Variants in UBE3B observed in about 807,000 individuals in gnomAD.
The protein encoded by UBE3B is ubiquitin-protein ligase E3B.
A neutral mutation model predicts 132.3 loss-of-function variants in UBE3B; 80 were observed. The ratio of observed to expected loss-of-function variants is 0.60; its 90% CI spans 0.50 to 0.73. The LOEUF is 0.73. UBE3B is among the 30% of genes least tolerant of loss of function. UBE3B has a pLI of 0.00. For synonymous variants in UBE3B, 487 were observed against 520.4 expected, an observed-to-expected ratio of 0.94 and a Z score of 0.87; for missense variants, 1,196 against 1,362.5, an observed-to-expected ratio of 0.88 and a Z score of 1.92.
Position 109,534,597 on chromosome 12 carries a change from G to A in UBE3B, c.3022G>A (p.Gly1008Arg), listed in dbSNP as rs778155158. The A allele has an allele frequency of 6.2e-6, 10 of 1,608,588 alleles. No individual in the cohort carries two copies. Among genetic ancestry groups the A allele is most frequent in the Non-Finnish European group, 6.8e-6 (8 of 1,177,326 alleles). ...CVEVSDDQDT[G>R]DTLGSVLRGF... is the part of the protein sequence containing the mutation. ...CCACGATGTGTGCCTTCAGGACACC[G>A]GGGACACTCTGGGCAGCGTCCTCCG... The change falls in exon 28 of 28, where the codon GGG becomes AGG. Residue 1008 changes from glycine to arginine, a missense_variant. Gly to Arg is a moderately radical substitution (Grantham distance 125). Transcript: ENST00000342494. This position sits in a 1 kb window ranked among gnomAD's most constrained non-coding sequence, Gnocchi z 5.2.
intron 9 of UBE3B, among the ~76,000 whole-genome samples, chr12:109,494,723 G>A (rs1018609827): frequency 7.9e-5 from 12 of 152,200 alleles, no homozygotes; most frequent in Admixed American, 1.3e-4. Context: ...AGGAGTGTTT[G>A]CAGTGTGTGT....
chr12:109,501,549 C>T lies in UBE3B; in HGVS notation c.1282+15C>T, dbSNP rs1427553475. The T allele has an allele frequency of 1.9e-6, 3 of 1,610,976 alleles. No individual in the cohort carries two copies. The highest frequency in any genetic ancestry group is 1.3e-5 in the African/African-American group (1 of 74,828). ...CCCAGTGAAGAGTGAGTGACGGGAG[C>T]AGGCCCAACCCTGTAGCTCCACTTG... On this transcript the variant is annotated intron_variant, in intron 13 of 27. Coordinates refer to ENST00000342494, the MANE Select transcript of UBE3B (RefSeq NM_130466.4).
chr12:109,504,907 G>A (rs780034708), intron 14 of UBE3B, among the ~76,000 whole-genome samples: 5 of 151,586 alleles, frequency 3.3e-5, no homozygotes, highest in African/African-American at 7.3e-5. Flanking sequence ...CCAGGTTCAC[G>A]CCATTCTCCT....
At chr12:109,498,554 G>A (rs1444598611) in intron 11 of UBE3B, among the ~76,000 whole-genome samples, 1 of 152,194 alleles carries the variant, frequency 6.6e-6, no homozygotes, top group Non-Finnish European at 1.5e-5. Flanking sequence ...TGGCAAACTA[G>A]TTAAGTGACT....
At chr12:109,496,906 T>A (rs1271715038) in intron 9 of UBE3B, among the ~76,000 whole-genome samples, 1 of 152,190 alleles carries the variant, frequency 6.6e-6, no homozygotes, top group East Asian at 1.9e-4. Context: ...CTTACCTGTT[T>A]TTTTCTTTTG....
chr12:109,501,616 CTG>C lies in UBE3B; in HGVS notation c.1282+86_1282+87del, dbSNP rs1055933100. ...TGTTTCTTCCTATATGGATGTTCCGCTGTGTTTGTGGGATGCTCTAACTTTGT... is the reference window on the plus strand; with the variant it reads ...TGTTTCTTCCTATATGGATGTTCCGCTGTTTGTGGGATGCTCTAACTTTGT... On this transcript the variant is annotated intron_variant, in intron 13 of 27. Coordinates refer to ENST00000342494, the MANE Select transcript of UBE3B (RefSeq NM_130466.4). 15 of 1,496,980 alleles carry C rather than the reference CTG, an allele frequency of 1.0e-5. No individual in the cohort carries two copies. The Admixed American group carries it at 1.8e-4, about 18-fold the overall frequency. The allele number at this position is 1,496,980 out of a possible 1,614,324, so 92.7% of individuals were successfully genotyped here. A position where few individuals can be genotyped will look rare whatever the true frequency, so the allele number is the denominator to read the frequency against.
chr12:109,504,936 G>T (rs535763165), intron 14 of UBE3B, among the ~76,000 whole-genome samples: 1 of 151,942 alleles, frequency 6.6e-6, no homozygotes, highest in Non-Finnish European at 1.5e-5. Context: ...CTCCCGAGTA[G>T]CTGGGATTAC....
intron 18 of UBE3B, among the ~76,000 whole-genome samples, 179 bp from the exon 19 acceptor site, chr12:109,516,586 C>G (rs180670925): frequency 6.6e-6 from 1 of 152,152 alleles, no homozygotes; most frequent in Non-Finnish European, 1.5e-5. Context: ...CTAATTCCCA[C>G]AAGTGTTCCA....
At chr12:109,503,396 T>A (rs1879244462) in intron 14 of UBE3B, among the ~76,000 whole-genome samples, 1 of 152,176 alleles carries the variant, frequency 6.6e-6, no homozygotes, top group African/African-American at 2.4e-5. Flanking sequence ...ATCTCATTCC[T>A]GTTTTGTGAC....
Position 109,534,064 on chromosome 12 carries a change from A to G in UBE3B, c.3015+506A>G. On this transcript the variant is annotated intron_variant, in intron 27 of 27. Coordinates refer to ENST00000342494, the MANE Select transcript of UBE3B (RefSeq NM_130466.4). This position sits in a 1 kb window ranked among gnomAD's most constrained non-coding sequence, Gnocchi z 5.2. Reference sequence around the variant, plus strand: ...CTGGCCCACTGTGGGTGCTCAAATGAGAGTCCTACTCCCCATAAAAACCCA... The same window carrying G: ...CTGGCCCACTGTGGGTGCTCAAATGGGAGTCCTACTCCCCATAAAAACCCA... 1.5e-6 allele frequency: 2 copies of G among 1,294,642 alleles called. No individual in the cohort carries two copies. The highest frequency in any genetic ancestry group is 2.0e-6 in the Non-Finnish European group (2 of 992,798). 80.2% of individuals were successfully genotyped at this position (1,294,642 alleles called of 1,614,324 possible). A position where few individuals can be genotyped will look rare whatever the true frequency, so the allele number is the denominator to read the frequency against.
rs1343620642 is a variant in UBE3B at position 109,522,985 on chromosome 12, T to TG, written c.2365-991dup. Among the ~76,000 whole-genome samples, 1 of 152,248 alleles carries TG rather than the reference T, an allele frequency of 6.6e-6. No homozygotes were observed. The highest frequency in any genetic ancestry group is 1.9e-4 in the East Asian group (1 of 5,200). On this transcript the variant is annotated intron_variant, in intron 21 of 27. Coordinates refer to ENST00000342494, the MANE Select transcript of UBE3B (RefSeq NM_130466.4). The surrounding 1 kb of genome is among the most constrained non-coding windows in gnomAD (Gnocchi z 4.2). ...AAGAGCCTGGGCCACCTGGAAAGCA[T>TG]GGCCTCCTGGCTTCTCTGAATGTCA... is the stretch of plus-strand genomic sequence containing the variant.
At chr12:109,524,251 G>A (rs1359010379) in intron 22 of UBE3B, 136 bp downstream of exon 22, 2 of 1,397,850 alleles carry the variant, frequency 1.4e-6, no homozygotes, top group African/African-American at 2.8e-5. Context: ...TCCCCCTGTG[G>A]GCAGTCCCAC....
chr12:109,506,181 A>G (rs1386174728), intron 14 of UBE3B, among the ~76,000 whole-genome samples: 4 of 152,138 alleles, frequency 2.6e-5, no homozygotes, highest in Non-Finnish European at 5.9e-5. Context: ...TTTTAACATA[A>G]TAGAATAATA....
chr12:109,484,003 T>C (rs569124778), intron 4 of UBE3B, 22 bp downstream of exon 4: 1 of 1,590,956 alleles, frequency 6.3e-7, no homozygotes, highest in Non-Finnish European at 8.6e-7. Context: ...ATAGCAAACA[T>C]GTATAATACT....
In UBE3B at chr12:109,521,350, C is replaced by G; in HGVS notation, c.2253+26C>G. 1 of 1,606,602 alleles carries G rather than the reference C, an allele frequency of 6.2e-7. No homozygotes were observed. Among genetic ancestry groups the G allele is most frequent in the Non-Finnish European group, 8.5e-7 (1 of 1,173,534 alleles). ...GTATTTAAGGGGAGCAACAGCAGGG[C>G]TGACAGCAGCCAGATTCAAGAAGTG... On this transcript the variant is annotated intron_variant, in intron 20 of 27. Transcript: ENST00000342494. The surrounding 1 kb of genome is among the most constrained non-coding windows in gnomAD (Gnocchi z 4.2).
rs1440084907 is a variant in UBE3B, at chr12:109,530,666, A to G, written c.2922+8A>G. The stretch of plus-strand genomic sequence containing the variant: ...AGAGCTATGTTTCTGAAGGTATTTT[A>G]TTTATTACCTATGCATGCATGCATG... On this transcript the variant is annotated splice_region_variant and intron_variant, in intron 26 of 27. Transcript: ENST00000342494. 3.1e-6 allele frequency: 5 copies of G among 1,612,472 alleles called. No individual in the cohort carries two copies. The African/African-American group carries it at 5.3e-5, about 17-fold the overall frequency.
chr12:109,499,790 C>T lies in UBE3B; in HGVS notation c.1098C>T (p.Phe366=). 4 of 1,608,786 alleles carry T rather than the reference C, an allele frequency of 2.5e-6. No homozygotes were observed. Among genetic ancestry groups the T allele is most frequent in the Non-Finnish European group, 3.4e-6 (4 of 1,177,134 alleles). The change falls in exon 12 of 28, where the codon TTC becomes TTT. Residue 366 remains phenylalanine (F), a synonymous_variant. Coordinates refer to ENST00000342494, the MANE Select transcript of UBE3B (RefSeq NM_130466.4). ...ACTGGCATCCTGTCCTTGGCTGGTT[C>T]TCCCAATCTGTGGATTATGGGTGAG... is the stretch of plus-strand genomic sequence containing the variant. ...LTHWHPVLGW[F]SQSVDYGLNE...
At chr12:109,505,714 G>A (rs1831589032) in intron 14 of UBE3B, among the ~76,000 whole-genome samples, 3 of 152,108 alleles carry the variant, frequency 2.0e-5, no homozygotes, top group Admixed American at 2.0e-4. Flanking sequence ...TAAGCTCTAG[G>A]CATAATCACT....
chr12:109,506,173 T>C (rs969552071), intron 14 of UBE3B, among the ~76,000 whole-genome samples: 2 of 152,204 alleles, frequency 1.3e-5, no homozygotes, highest in African/African-American at 4.8e-5. Flanking sequence ...ATTTCCACTT[T>C]TAACATAATA....
Sources: gnomAD v4.1 joint callset for allele counts (sites outside exome capture counted in the v4.1 genomes callset) on GRCh38, gnomAD v4.1.1 for gene constraint, Gnocchi (gnomAD v3.1) non-coding constraint, MANE v1.5 for transcripts, NCBI Gene and HGNC (gene_info 2026-07-23, HGNC 2026-07-21) for gene names.